The following SYCP1 variants were observed in gnomAD, a reference collection of about 807,000 sequenced individuals.
SYCP1 encodes the protein cancer/testis antigen 8.
In SYCP1, 64 loss-of-function variants were observed where a neutral mutation model predicts 153.1. That is an observed-to-expected ratio of 0.42 (90% CI 0.34 to 0.51). The LOEUF is 0.51. Among genes scored for constraint, SYCP1 ranks in the 20% least tolerant of loss-of-function variants. The pLI is 0.06. For missense variants in SYCP1, 997 were observed against 1,049.0 expected (o/e 0.95, Z 0.68); for synonymous variants, 384 against 341.8 (o/e 1.12, Z -1.36).
intron 23 of SYCP1, among the ~76,000 whole-genome samples, chr1:114,938,566 A>G (rs1670183229): frequency 6.6e-6 from 1 of 152,038 alleles, no homozygotes; most frequent in Non-Finnish European, 1.5e-5. Flanking sequence ...TAAATAAATC[A>G]AAAATAAATA....
intron 27 of SYCP1, among the ~76,000 whole-genome samples, chr1:114,970,355 T>G (rs1268829781): frequency 6.6e-6 from 1 of 152,168 alleles, no homozygotes; most frequent in Non-Finnish European, 1.5e-5. Flanking sequence ...TGTTTTCACC[T>G]TTCTCTGGTG....
intron 16 of SYCP1, among the ~76,000 whole-genome samples, chr1:114,901,493 G>C (rs1667444530): frequency 6.6e-6 from 1 of 152,170 alleles, no homozygotes; most frequent in African/African-American, 2.4e-5. Flanking sequence ...GAGGGGAAGA[G>C]AGTCAATAAG....
chr1:114,912,886 C>T, intron 18 of SYCP1, 147 bp from the exon 19 acceptor site: 1 of 590,454 alleles, frequency 1.7e-6, no homozygotes, highest in Non-Finnish European at 3.0e-6. Flanking sequence ...CACCCAGCTT[C>T]AGGAATTATA....
At chr1:114,957,099 C>G (rs1355024611) in intron 27 of SYCP1, among the ~76,000 whole-genome samples, 1 of 150,570 alleles carries the variant, frequency 6.6e-6, no homozygotes, top group Non-Finnish European at 1.5e-5. Context: ...GGGTTTCTCT[C>G]TCTTGCCCAG....
At chr1:114,985,833 G>A (rs1006523789) in intron 30 of SYCP1, among the ~76,000 whole-genome samples, 7 of 150,340 alleles carry the variant, frequency 4.7e-5, no homozygotes, top group African/African-American at 7.3e-5. Flanking sequence ...AACAATTCCA[G>A]CCTTTAGAAA....
intron 25 of SYCP1, among the ~76,000 whole-genome samples, chr1:114,945,427 A>G (rs1157958452): frequency 6.6e-6 from 1 of 151,976 alleles, no homozygotes; most frequent in African/African-American, 2.4e-5. Flanking sequence ...GTTGTTTTAG[A>G]GTATCCATTT....
intron 9 of SYCP1, 80 bp from the exon 10 acceptor site, chr1:114,875,984 TGATAC>T: frequency 1.2e-6 from 1 of 815,320 alleles, no homozygotes; most frequent in South Asian, 2.4e-5. Flanking sequence ...AATGATCACA[TGATAC>T]AAATTTGGTA....
intron 12 of SYCP1, among the ~76,000 whole-genome samples, chr1:114,882,148 G>A (rs940358066): frequency 1.3e-5 from 2 of 152,038 alleles, no homozygotes; most frequent in Admixed American, 6.6e-5. Context: ...TTGCTCCATT[G>A]CACTCCAACC....
intron 27 of SYCP1, among the ~76,000 whole-genome samples, chr1:114,965,303 A>G (rs1672045951): frequency 6.6e-6 from 1 of 152,182 alleles, no homozygotes; most frequent in South Asian, 2.1e-4. Context: ...TCTTCTGCAA[A>G]CAGAGACAAT....
At chr1:114,903,196 T>C (rs1275011628) in intron 16 of SYCP1, among the ~76,000 whole-genome samples, 1 of 151,826 alleles carries the variant, frequency 6.6e-6, no homozygotes, top group Non-Finnish European at 1.5e-5. Flanking sequence ...AAAACAAACA[T>C]TTGTTGAGTT....
intron 2 of SYCP1, among the ~76,000 whole-genome samples, chr1:114,856,113 A>T (rs776721929): frequency 6.6e-6 from 1 of 152,170 alleles, no homozygotes; most frequent in Non-Finnish European, 1.5e-5. Flanking sequence ...AAAATTTATC[A>T]TGTGGATCCT....
intron 16 of SYCP1, among the ~76,000 whole-genome samples, chr1:114,909,233 C>T (rs1284707918): frequency 2.0e-5 from 3 of 152,012 alleles, no homozygotes; most frequent in Non-Finnish European, 4.4e-5. Flanking sequence ...CCCAGGGCTC[C>T]TTTCCCTGGT....
intron 5 of SYCP1, among the ~76,000 whole-genome samples, chr1:114,857,989 T>C (rs559723310): frequency 3.3e-5 from 5 of 152,136 alleles, no homozygotes; most frequent in Admixed American, 3.3e-4. Context: ...AGAACTTATT[T>C]ATATATTTTT....
In SYCP1 at chr1:114,928,798, T is replaced by C. The variant is rs969274898; in HGVS notation, c.1926+2235T>C. 9.2e-5 allele frequency among the ~76,000 whole-genome samples: 14 copies of C among 152,306 alleles called. No homozygotes were observed. In the East Asian group the frequency reaches 2.5e-3, roughly 27 times the overall value. ...TAGAGTTTGGTAAGTTAGTGATACA[T>C]ACTATCCTCCTTAGAGCAACCCCTA... On this transcript the variant is annotated intron_variant, in intron 23 of 31. Transcript: ENST00000369522.
chr1:114,886,651 G>C (rs1666327534), intron 14 of SYCP1, among the ~76,000 whole-genome samples: 1 of 151,968 alleles, frequency 6.6e-6, no homozygotes, highest in Non-Finnish European at 1.5e-5. Context: ...TAGCTTCCAG[G>C]CTGTCAGGTT....
At chr1:114,979,623 C>T (rs1673024098) in intron 28 of SYCP1, among the ~76,000 whole-genome samples, 1 of 151,644 alleles carries the variant, frequency 6.6e-6, no homozygotes, top group Non-Finnish European at 1.5e-5. Context: ...AAATTGCTCT[C>T]ATCAAAATTT....
In SYCP1 at chr1:114,875,299, C is replaced by T. The variant is rs1665437773; in HGVS notation, c.657+735C>T. On this transcript the variant is annotated intron_variant, in intron 9 of 31. Transcript: ENST00000369522. ...TTTTTTTGAGACAGTCTGGCTCTGT[C>T]GCCCAGGCTGGAGTGCAGTGGCGCA... Among the ~76,000 whole-genome samples, 5 of 138,666 alleles carry T rather than the reference C, an allele frequency of 3.6e-5. No individual in the cohort carries two copies. In the South Asian group the frequency reaches 1.1e-3, roughly 32 times the overall value. The allele number at this position is 138,666 out of a possible 152,430, so 91.0% of individuals were successfully genotyped here. A position where few individuals can be genotyped will look rare whatever the true frequency, so the allele number is the denominator to read the frequency against.
At chr1:114,978,757 G>A (rs969010457) in intron 28 of SYCP1, among the ~76,000 whole-genome samples, 9 of 151,616 alleles carry the variant, frequency 5.9e-5, no homozygotes, top group African/African-American at 2.2e-4. Context: ...CTGAACCTGT[G>A]AGTGAATACT....
intron 27 of SYCP1, among the ~76,000 whole-genome samples, chr1:114,954,547 T>TTTTATTTATTTA (rs4045000): frequency 0.018 from 2,657 of 148,384 alleles, 46 homozygotes; most frequent in African/African-American, 0.031. Flanking sequence ...TCAGTATGCT[T>TTTTATTTATTTA]TTTATTTATT....
Sources: gnomAD v4.1 joint callset for allele counts (sites outside exome capture counted in the v4.1 genomes callset) on GRCh38, gnomAD v4.1.1 for gene constraint, MANE v1.5 for transcripts, NCBI Gene and HGNC (gene_info 2026-07-23, HGNC 2026-07-21) for gene names.